TENM3: variants seen among roughly 807,000 people sequenced by gnomAD.
TENM3 encodes the protein teneurin transmembrane protein 3.
In TENM3, 63 loss-of-function variants were observed where a neutral mutation model predicts 255.1. The ratio of observed to expected loss-of-function variants is 0.25; its 90% confidence interval spans 0.20 to 0.30. The LOEUF is 0.30. Among genes scored for constraint, TENM3 ranks in the 10% least tolerant of loss-of-function variants. The pLI, the probability that TENM3 is intolerant of heterozygous loss-of-function variation, is 1.00. For missense variants in TENM3, 2,929 were observed against 3,461.1 expected, an observed-to-expected ratio of 0.85 and a Z score of 3.86; for synonymous variants, 1,306 against 1,322.3, an observed-to-expected ratio of 0.99 and a Z score of 0.27.
intron 1 of TENM3, among the ~76,000 whole-genome samples, chr4:182,273,037 G>A (rs978184054): frequency 3.3e-5 from 5 of 152,194 alleles, no homozygotes; most frequent in Admixed American, 6.5e-5. Flanking sequence ...GGAGAGGAGC[G>A]TAACCAGGTG....
At chr4:182,570,427 A>G (rs960859538) in intron 3 of TENM3, among the ~76,000 whole-genome samples, 3 of 152,242 alleles carry the variant, frequency 2.0e-5, no homozygotes, top group African/African-American at 4.8e-5. Context: ...AATCATGTTC[A>G]TGCCTGCAAA....
At chr4:181,522,522 G>C in the TENM3 span, 509 of 308,756 alleles carry the variant, frequency 1.6e-3, 5 homozygotes, top group Non-Finnish European at 8.6e-4. Flanking sequence ...ATTAAGGTTA[G>C]AAATGTAAGG....
chr4:182,717,319 GGAA>G, intron 13 of TENM3, among the ~76,000 whole-genome samples: 1 of 152,292 alleles, frequency 6.6e-6, no homozygotes, highest in East Asian at 1.9e-4. Flanking sequence ...ATGAGGAATA[GGAA>G]GAACGTAGAT....
rs1240022329 is a variant in TENM3 at position 182,673,121 on chromosome 4, A to T, written c.1228A>T (p.Ile410Phe). ...GATCTTCTGGAGATCACAGCTCTTCATTGATCAGCCACAGTTTCTTAAATT... is the reference window on the plus strand; with the variant it reads ...GATCTTCTGGAGATCACAGCTCTTCTTTGATCAGCCACAGTTTCTTAAATT... ...PGIFWRSQLF[I>F]DQPQFLKFNI... The change falls in exon 7 of 28, where the codon ATT (isoleucine) becomes TTT (phenylalanine). Residue 410 changes from isoleucine to phenylalanine, a missense_variant. Transcript: ENST00000511685. The T allele has an allele frequency of 6.2e-7, 1 of 1,613,694 alleles. No homozygotes were observed. Among genetic ancestry groups the T allele is most frequent in the East Asian group, 2.2e-5 (1 of 44,860 alleles).
intron 3 of TENM3, among the ~76,000 whole-genome samples, chr4:182,462,763 T>C (rs1330991771): frequency 6.6e-6 from 1 of 151,610 alleles, no homozygotes; most frequent in Non-Finnish European, 1.5e-5. Flanking sequence ...GGTGGGCGCC[T>C]GTGATCCCAG....
chr4:181,474,753 AC>A, the TENM3 span, among the ~76,000 whole-genome samples: 6 of 151,358 alleles, frequency 4.0e-5, no homozygotes, highest in African/African-American at 1.5e-4. Context: ...AAAAAAAAAA[AC>A]AAAGAAAGTT....
the TENM3 span, among the ~76,000 whole-genome samples, chr4:181,757,148 T>C: frequency 6.6e-6 from 1 of 152,104 alleles, no homozygotes; most frequent in Non-Finnish European, 1.5e-5. Context: ...TCTTGAAAAG[T>C]TGAAAAAAAA....
At chr4:182,027,291 A>G in the TENM3 span, among the ~76,000 whole-genome samples, 53 of 152,300 alleles carry the variant, frequency 3.5e-4, no homozygotes, top group African/African-American at 1.3e-3. Context: ...CCGTTGGCAT[A>G]TAGAAGTGCT....
the TENM3 span, among the ~76,000 whole-genome samples, chr4:181,912,854 A>G: frequency 6.6e-6 from 1 of 151,818 alleles, no homozygotes; most frequent in Admixed American, 6.6e-5. Context: ...TACTTGAGAG[A>G]TAAGGAGAAA....
the TENM3 span, among the ~76,000 whole-genome samples, chr4:181,705,056 A>C: frequency 4.0e-4 from 31 of 77,706 alleles, no homozygotes; most frequent in Middle Eastern, 5.4e-3. Flanking sequence ...CAAAACAAAA[A>C]AAAAAAAACA....
chr4:182,402,389 T>C (rs943594756), intron 3 of TENM3, among the ~76,000 whole-genome samples: 1 of 152,200 alleles, frequency 6.6e-6, no homozygotes, highest in Non-Finnish European at 1.5e-5. Flanking sequence ...TCTTGTATAC[T>C]AACTGGCTGC....
At chr4:182,479,754 G>A (rs9654296) in intron 3 of TENM3, among the ~76,000 whole-genome samples, 2,391 of 151,974 alleles carry the variant, frequency 0.016, 59 homozygotes, top group African/African-American at 0.055. Context: ...AGAATTCTAC[G>A]TAACTTCAAA....
At chr4:181,881,908 A>C in the TENM3 span, among the ~76,000 whole-genome samples, 4 of 152,206 alleles carry the variant, frequency 2.6e-5, no homozygotes, top group South Asian at 8.3e-4. Context: ...TTTTAATGAC[A>C]GTCTTCTCAA....
At chr4:181,879,177 C>T in the TENM3 span, among the ~76,000 whole-genome samples, 1 of 152,074 alleles carries the variant, frequency 6.6e-6, no homozygotes, top group Non-Finnish European at 1.5e-5. Context: ...CTACAGAAAT[C>T]AACACTGTCA....
At chr4:182,790,649 T>G (rs1466960103) in intron 25 of TENM3, among the ~76,000 whole-genome samples, 3 of 152,180 alleles carry the variant, frequency 2.0e-5, no homozygotes, top group African/African-American at 7.2e-5. Context: ...AGACTCACCC[T>G]TGAGACAATG....
At chr4:182,159,455 TGTG>T (rs375409083) in intron 1 of TENM3, among the ~76,000 whole-genome samples, 40,883 of 90,648 alleles carry the variant, frequency 0.45, 5,932 homozygotes, top group Admixed American at 0.55. Context: ...TGAGTGTGTG[TGTG>T]TGTGTGTGTG....
rs1223223126 is a variant in TENM3 at position 182,653,790 on chromosome 4, C to T, written c.1008C>T (p.Leu336=). The T allele has an allele frequency of 1.9e-6, 3 of 1,611,600 alleles. No homozygotes were observed. The highest frequency in any genetic ancestry group is 1.7e-5 in the Admixed American group (1 of 59,622). The change falls in exon 6 of 28, where the codon CTC becomes CTT. Residue 336 remains leucine, a synonymous_variant. Coordinates refer to ENST00000511685, the MANE Select transcript of TENM3 (RefSeq NM_001080477.4). ...SYFIAMHLFG[L]NWQLQQTEND... is the part of the protein sequence containing the mutation. ...CCCCAGCAATGCATCTCTTTGGCCT[C>T]AACTGGCAGCTACAGCAGACTGAAA...
At chr4:182,525,912 TATTTTCTGC>T in intron 3 of TENM3, among the ~76,000 whole-genome samples, 1 of 152,364 alleles carries the variant, frequency 6.6e-6, no homozygotes, top group East Asian at 1.9e-4. Context: ...TGATTTAGAT[TATTTTCTGC>T]AGTTTCCAAT....
At chr4:182,092,402 C>A in the TENM3 span, among the ~76,000 whole-genome samples, 1 of 152,160 alleles carries the variant, frequency 6.6e-6, no homozygotes, top group Admixed American at 6.5e-5. Flanking sequence ...AATCCCAGAG[C>A]TTTGGGAGGC....
Sources: allele counts gnomAD v4.1 joint callset (sites outside exome capture counted in the v4.1 genomes callset), GRCh38; gene constraint gnomAD v4.1.1; transcripts MANE v1.5; gene names NCBI Gene and HGNC (gene_info 2026-07-23, HGNC 2026-07-21).